Variants in TMEM132E observed in about 807,000 individuals in gnomAD.
TMEM132E encodes the protein transmembrane protein 132E.
A neutral mutation model predicts 78.5 loss-of-function variants in TMEM132E; 49 were observed. The observed-to-expected ratio is 0.62, with a 90% CI of 0.50 to 0.79. The LOEUF (loss-of-function observed/expected upper bound fraction) is 0.79, where lower values mean the gene tolerates loss of function less well. Among genes scored for constraint, TMEM132E ranks in the 30% least tolerant of loss-of-function variants. The pLI is 0.00. For missense variants in TMEM132E, 1,403 were observed against 1,470.9 expected, an observed-to-expected ratio of 0.95 and a Z score of 0.75; for synonymous variants, 715 against 670.6, an observed-to-expected ratio of 1.07 and a Z score of -1.02.
At chr17:34,621,358 C>G (rs935870663) in intron 1 of TMEM132E, among the ~76,000 whole-genome samples, 6 of 152,322 alleles carry the variant, frequency 3.9e-5, no homozygotes, top group Middle Eastern at 6.8e-3. Context: ...CAACTTCTCT[C>G]TGTGTGTGTC....
At chr17:34,613,217 G>GCGCGCGCT (rs1199634000) in intron 1 of TMEM132E, among the ~76,000 whole-genome samples, 1 of 136,894 alleles carries the variant, frequency 7.3e-6, no homozygotes, top group Non-Finnish European at 1.7e-5. Context: ...ACACACGCGC[G>GCGCGCGCT]CGCGCGCGCG....
In TMEM132E at chr17:34,626,134, C is replaced by T. The variant is rs918510902; in HGVS notation, c.75C>T (p.Gly25=). The change falls in exon 2 of 9, where the codon GGC becomes GGT. Residue 25 remains glycine (G), a synonymous_variant. Transcript: ENST00000631683. ...TCCTCTGTCTGTCCCCAGCCTCTGG[C>T]CGCTCCCACCCGGCCAGCCCCAGCC... is the stretch of plus-strand genomic sequence containing the variant. ...CLSALLAHAS[G]RSHPASPSPP... is the part of the protein sequence containing the mutation. 3 of 1,517,010 alleles carry T rather than the reference C, an allele frequency of 2.0e-6. No individual in the cohort carries two copies. The highest frequency in any genetic ancestry group is 2.6e-6 in the Non-Finnish European group (3 of 1,137,116). 94.0% of individuals were successfully genotyped at this position (1,517,010 alleles called of 1,614,324 possible).
chr17:34,590,324 C>T (rs1905828280), intron 1 of TMEM132E, among the ~76,000 whole-genome samples: 1 of 150,876 alleles, frequency 6.6e-6, no homozygotes, highest in Non-Finnish European at 1.5e-5. Flanking sequence ...TTTCCTCCTC[C>T]ACTCTCACCC....
chr17:34,583,660 G>A (rs1905571038), intron 1 of TMEM132E, among the ~76,000 whole-genome samples: 1 of 152,212 alleles, frequency 6.6e-6, no homozygotes, highest in Admixed American at 6.5e-5. Context: ...AGGTCACAGG[G>A]TTCTGACCAC....
At chr17:34,582,448 G>C (rs1384496422) in intron 1 of TMEM132E, among the ~76,000 whole-genome samples, 1 of 152,132 alleles carries the variant, frequency 6.6e-6, no homozygotes. Flanking sequence ...GGGGCTAGGA[G>C]GGGGGCGGGG....
At chr17:34,586,091 C>T (rs1905665354) in intron 1 of TMEM132E, among the ~76,000 whole-genome samples, 1 of 152,030 alleles carries the variant, frequency 6.6e-6, no homozygotes, top group Non-Finnish European at 1.5e-5. Flanking sequence ...CCCTTCTTAC[C>T]TCCCTCATCT....
chr17:34,582,744 T>A (rs1260184083), intron 1 of TMEM132E, among the ~76,000 whole-genome samples: 1 of 152,072 alleles, frequency 6.6e-6, no homozygotes, highest in Non-Finnish European at 1.5e-5. Flanking sequence ...GCTGCACTTG[T>A]GACCTAGCAC....
At chr17:34,619,576 A>G (rs985496805) in intron 1 of TMEM132E, among the ~76,000 whole-genome samples, 2 of 151,844 alleles carry the variant, frequency 1.3e-5, no homozygotes, top group Non-Finnish European at 2.9e-5. Context: ...GGTACTTGTC[A>G]CCATTAACTA....
intron 1 of TMEM132E, chr17:34,614,795 C>T (rs1349997231): frequency 6.6e-6 from 1 of 152,280 alleles, no homozygotes; most frequent in Non-Finnish European, 1.5e-5. Flanking sequence ...ATTGTAGTCC[C>T]TGCCCCTAGA....
At chr17:34,628,913 C>A in intron 3 of TMEM132E, 99 bp from the exon 4 acceptor site, 1 of 1,442,800 alleles carries the variant, frequency 6.9e-7, no homozygotes, top group Non-Finnish European at 9.3e-7. Context: ...CATCAGGCAG[C>A]TGCCGGGGAG....
chr17:34,590,611 CA>C (rs1267363836), intron 1 of TMEM132E, among the ~76,000 whole-genome samples: 6 of 151,856 alleles, frequency 4.0e-5, no homozygotes, highest in African/African-American at 1.5e-4. Flanking sequence ...GATAAAAACA[CA>C]GGGCAAAAAT....
intron 1 of TMEM132E, among the ~76,000 whole-genome samples, chr17:34,607,745 A>C (rs1028343160): frequency 6.6e-6 from 1 of 151,112 alleles, no homozygotes; most frequent in Non-Finnish European, 1.5e-5. Context: ...CAAAGAACTC[A>C]GGAAAATCTT....
chr17:34,614,248 A>G (rs58090035), intron 1 of TMEM132E, among the ~76,000 whole-genome samples: 171 of 152,028 alleles, frequency 1.1e-3, no homozygotes, highest in African/African-American at 3.6e-3. Context: ...CCGCTGGCCA[A>G]CTCCAGACCT....
At chr17:34,621,915 C>G (rs530475607) in intron 1 of TMEM132E, among the ~76,000 whole-genome samples, 2 of 152,098 alleles carry the variant, frequency 1.3e-5, no homozygotes, top group African/African-American at 2.4e-5. Flanking sequence ...AGTGCCTTCC[C>G]CCACAACCTC....
At chr17:34,595,961 G>T (rs1906042998) in intron 1 of TMEM132E, among the ~76,000 whole-genome samples, 1 of 152,084 alleles carries the variant, frequency 6.6e-6, no homozygotes, top group Non-Finnish European at 1.5e-5. Flanking sequence ...GGAAGGCTTT[G>T]CTAAATGTGT....
In TMEM132E at chr17:34,637,483, G is replaced by A. The variant is rs1392097112; in HGVS notation, c.2476G>A (p.Gly826Ser). ...GGAGGACCCCACTTATGACTACCCG[G>A]GCCCCAGCCAACCAGGGCCCGGCGG... is the stretch of plus-strand genomic sequence containing the variant. ...DEEDPTYDYP[G>S]PSQPGPGGGE... The change falls in exon 9 of 9, where the codon GGC (glycine) becomes AGC (serine). Residue 826 changes from glycine to serine, a missense_variant. By Grantham distance (56) the Gly-to-Ser change is moderately conservative (BLOSUM62 0). This residue lies in a region of TMEM132E where 888 missense variants were observed against 952.8 expected (regional missense o/e 0.93). Transcript: ENST00000631683. The A allele has an allele frequency of 6.2e-7, 1 of 1,610,734 alleles. No individual in the cohort carries two copies. Among genetic ancestry groups the A allele is most frequent in the Non-Finnish European group, 8.5e-7 (1 of 1,178,980 alleles).
intron 1 of TMEM132E, among the ~76,000 whole-genome samples, chr17:34,617,461 G>A (rs1906820217): frequency 6.6e-6 from 1 of 152,212 alleles, no homozygotes; most frequent in South Asian, 2.1e-4. Context: ...AAACAGGTGA[G>A]CACTTCCCTC....
intron 1 of TMEM132E, among the ~76,000 whole-genome samples, chr17:34,616,762 G>A (rs557396722): frequency 2.4e-4 from 37 of 152,272 alleles, no homozygotes; most frequent in African/African-American, 7.9e-4. Flanking sequence ...CCTCAGGGAG[G>A]CACTCATCCC....
In TMEM132E at chr17:34,581,044, C is replaced by T; in HGVS notation, c.-33C>T. 1 of 1,523,536 alleles carries T rather than the reference C, an allele frequency of 6.6e-7. No individual in the cohort carries two copies. Among genetic ancestry groups the T allele is most frequent in the Non-Finnish European group, 8.8e-7 (1 of 1,139,430 alleles). 94.4% of individuals were successfully genotyped at this position (1,523,536 alleles called of 1,614,324 possible). On this transcript the variant is annotated 5_prime_UTR_variant, in exon 1 of 9. Transcript: ENST00000631683. ...GGGGCCAAGTCGTCGTCGACTGTTG[C>T]TCTCTCGGACCCCTCCCGCCCCCGC...
Sources: allele counts gnomAD v4.1 joint callset (sites outside exome capture counted in the v4.1 genomes callset), GRCh38; gene constraint gnomAD v4.1.1; regional missense constraint gnomAD v4.1.1; transcripts MANE v1.5; gene names NCBI Gene and HGNC (gene_info 2026-07-23, HGNC 2026-07-21).